The following ASCC3 variants were observed in gnomAD, a reference collection of about 807,000 sequenced individuals.
ASCC3 encodes the protein ASC-1 complex subunit P200.
A neutral mutation model predicts 256.3 loss-of-function variants in ASCC3; 158 were observed. The ratio of observed to expected loss-of-function variants is 0.62; its 90% CI spans 0.54 to 0.70. ASCC3 has a LOEUF of 0.70. Among genes scored for constraint, ASCC3 ranks in the 30% least tolerant of loss-of-function variants. The pLI is 0.00. For missense variants in ASCC3, 2,259 were observed against 2,626.0 expected, an observed-to-expected ratio of 0.86 and a Z score of 3.05; for synonymous variants, 948 against 883.4, an observed-to-expected ratio of 1.07 and a Z score of -1.30.
At chr6:100,634,798 A>G (rs1033475137) in intron 25 of ASCC3, among the ~76,000 whole-genome samples, 10 of 148,822 alleles carry the variant, frequency 6.7e-5, no homozygotes, top group African/African-American at 2.5e-4. Flanking sequence ...AGGCAGGAGG[A>G]TTGCTTGAGC....
At chr6:100,780,030 G>C (rs1782371418) in intron 8 of ASCC3, among the ~76,000 whole-genome samples, 1 of 152,018 alleles carries the variant, frequency 6.6e-6, no homozygotes, top group Non-Finnish European at 1.5e-5. Context: ...ATTCATCACT[G>C]TCCAATGGAA....
At chr6:100,516,810 A>C (rs1020895843) in intron 38 of ASCC3, among the ~76,000 whole-genome samples, 1 of 152,122 alleles carries the variant, frequency 6.6e-6, no homozygotes, top group Non-Finnish European at 1.5e-5. Flanking sequence ...AGGCCACATA[A>C]ATTTTCCAGT....
intron 14 of ASCC3, among the ~76,000 whole-genome samples, chr6:100,668,791 A>G (rs1026710116): frequency 1.3e-5 from 2 of 151,922 alleles, no homozygotes; most frequent in South Asian, 2.1e-4. Flanking sequence ...AATTCAAAAA[A>G]GAAAGAACAT....
intron 14 of ASCC3, among the ~76,000 whole-genome samples, chr6:100,670,157 G>T (rs1776670970): frequency 6.6e-6 from 1 of 151,894 alleles, no homozygotes; most frequent in Non-Finnish European, 1.5e-5. Context: ...TGTAAAAAAT[G>T]CTCAGTTTCA....
intron 23 of ASCC3, among the ~76,000 whole-genome samples, chr6:100,643,462 G>A (rs1775227205): frequency 6.6e-6 from 1 of 152,044 alleles, no homozygotes; most frequent in Non-Finnish European, 1.5e-5. Context: ...CTTAAACCAT[G>A]GTAAAGATTA....
rs781755757 is a variant in ASCC3 at position 100,848,651 on chromosome 6, T to C, written c.298A>G (p.Thr100Ala). The change falls in exon 4 of 42, where the codon ACA (threonine) becomes GCA (alanine). Residue 100 changes from threonine to alanine, a missense_variant. Thr to Ala is a moderately conservative substitution (Grantham distance 58). Around this residue, in one of 2 missense-constraint regions of ASCC3, gnomAD observed 420 missense variants for 419.3 expected, o/e 1.00. Transcript: ENST00000369162. ...CCAACAGAGTCCTTCAAGTGAAATGTCATGAAGAGAAATGCAGCCCCACTT... is the reference window on the plus strand; with the variant it reads ...CCAACAGAGTCCTTCAAGTGAAATGCCATGAAGAGAAATGCAGCCCCACTT... ...IESGAAFLFMTFHLKDSVGHK... is the reference protein window; with the variant it reads ...IESGAAFLFMAFHLKDSVGHK... 3 of 1,614,028 alleles carry C rather than the reference T, an allele frequency of 1.9e-6. No individual in the cohort carries two copies. The highest frequency in any genetic ancestry group is 2.5e-6 in the Non-Finnish European group (3 of 1,180,018).
chr6:100,637,470 A>G (rs1177935520), intron 25 of ASCC3, among the ~76,000 whole-genome samples: 3 of 152,172 alleles, frequency 2.0e-5, no homozygotes, highest in Non-Finnish European at 1.5e-5. Context: ...GCCTGCTAAC[A>G]TAACATCTAT....
At chr6:100,742,936 G>A (rs562697330) in intron 10 of ASCC3, among the ~76,000 whole-genome samples, 1 of 152,316 alleles carries the variant, frequency 6.6e-6, no homozygotes, top group African/African-American at 2.4e-5. Flanking sequence ...CTACCTAGGG[G>A]AATGTCCAGG....
chr6:100,622,351 TG>T (rs1773998942), intron 30 of ASCC3, among the ~76,000 whole-genome samples: 1 of 152,156 alleles, frequency 6.6e-6, no homozygotes, highest in East Asian at 1.9e-4. Flanking sequence ...TCACAAGATC[TG>T]ATCGTTTTAT....
intron 36 of ASCC3, among the ~76,000 whole-genome samples, chr6:100,583,183 C>T (rs1222822144): frequency 6.6e-6 from 1 of 152,168 alleles, no homozygotes; most frequent in African/African-American, 2.4e-5. Flanking sequence ...CCTTGTACCT[C>T]TTGTACAATT....
In ASCC3 at chr6:100,551,017, CCAGA is replaced by C. The variant is rs1266832880; in HGVS notation, c.5551-10634_5551-10631del. ...TAATAAAAATGCCTTATGTAGTTATCCAGACAGTCACCCTCCTAAAATGTTAACC... is the reference window on the plus strand; with the variant it reads ...TAATAAAAATGCCTTATGTAGTTATCCAGTCACCCTCCTAAAATGTTAACC... On this transcript the variant is annotated intron_variant, in intron 36 of 41. Coordinates refer to ENST00000369162, the MANE Select transcript of ASCC3 (RefSeq NM_006828.4). Among the ~76,000 whole-genome samples, 3 of 151,924 alleles carry C rather than the reference CCAGA, an allele frequency of 2.0e-5. No homozygotes were observed. The East Asian group carries it at 5.8e-4, about 29-fold the overall frequency.
chr6:100,509,104 C>T lies in ASCC3; in HGVS notation c.*282G>A. On this transcript the variant is annotated 3_prime_UTR_variant, in exon 42 of 42. Transcript: ENST00000369162. ...AATTTGATTGATAGCTCCTAAATAT[C>T]ATCCCAAATATACACAAATTAAAAG... is the stretch of plus-strand genomic sequence containing the variant. 2.5e-6 allele frequency: 1 copy of T among 404,874 alleles called. No individual in the cohort carries two copies. Among genetic ancestry groups the T allele is most frequent in the South Asian group, 2.3e-5 (1 of 43,976 alleles). The allele number at this position is 404,874 out of a possible 1,614,324, so 25.1% of individuals were successfully genotyped here.
At chr6:100,794,252 C>T (rs1769490853) in intron 8 of ASCC3, among the ~76,000 whole-genome samples, 1 of 151,974 alleles carries the variant, frequency 6.6e-6, no homozygotes, top group Non-Finnish European at 1.5e-5. Flanking sequence ...GAGTGTAAAC[C>T]TCTTAGCATG....
At chr6:100,812,852 C>T (rs1227755050) in intron 4 of ASCC3, among the ~76,000 whole-genome samples, 1 of 151,774 alleles carries the variant, frequency 6.6e-6, no homozygotes, top group African/African-American at 2.4e-5. Context: ...AATCCTTGAA[C>T]CCAGGAGTTC....
chr6:100,790,126 T>C (rs373626776), intron 8 of ASCC3, among the ~76,000 whole-genome samples: 57 of 152,118 alleles, frequency 3.7e-4, no homozygotes, highest in Admixed American at 1.5e-3. Context: ...GGACAGTTTA[T>C]ATAAGCATTT....
intron 13 of ASCC3, among the ~76,000 whole-genome samples, chr6:100,710,335 C>T (rs1426742386): frequency 6.6e-6 from 1 of 152,138 alleles, no homozygotes; most frequent in Non-Finnish European, 1.5e-5. Flanking sequence ...CTAAGTTCTT[C>T]ATGCCCTAGA....
Position 100,605,268 on chromosome 6 carries a change from T to C in ASCC3, c.5177+300A>G, listed in dbSNP as rs144811365. Among the ~76,000 whole-genome samples, 693 of 152,250 alleles carry C rather than the reference T, an allele frequency of 4.6e-3. 6 individuals are homozygous for C. The highest frequency in any genetic ancestry group is 0.016 in the African/African-American group (651 of 41,554). On this transcript the variant is annotated intron_variant, in intron 33 of 41. Transcript: ENST00000369162. ...CAATAGGTGCAATAAGGCAATGAGGTGTTAAGCAACTTGCTCAAGATCAAG... is the reference window on the plus strand; with the variant it reads ...CAATAGGTGCAATAAGGCAATGAGGCGTTAAGCAACTTGCTCAAGATCAAG...
Position 100,630,992 on chromosome 6 carries a change from A to G in ASCC3, c.4208+136T>C, listed in dbSNP as rs75066834. 1,955 of 644,084 alleles carry G rather than the reference A, an allele frequency of 3.0e-3. 7 individuals are homozygous for G. The highest frequency in any genetic ancestry group is 4.5e-3 in the Non-Finnish European group (1,660 of 369,486). The allele number at this position is 644,084 out of a possible 1,614,324, so 39.9% of individuals were successfully genotyped here. ...TTTAAATAAATGACTATGAAAATCA[A>G]TGTAAAACCATTCAGCAGTTAAATA... On this transcript the variant is annotated intron_variant, in intron 26 of 41. Transcript: ENST00000369162.
At chr6:100,671,404 C>G (rs968388295) in intron 14 of ASCC3, among the ~76,000 whole-genome samples, 1 of 151,988 alleles carries the variant, frequency 6.6e-6, no homozygotes, top group Admixed American at 6.6e-5. Context: ...ATTTTGTGAA[C>G]AGACGATTTG....
Sources: allele counts gnomAD v4.1 joint callset (sites outside exome capture counted in the v4.1 genomes callset), GRCh38; gene constraint gnomAD v4.1.1; regional missense constraint gnomAD v4.1.1; transcripts MANE v1.5; gene names NCBI Gene and HGNC (gene_info 2026-07-23, HGNC 2026-07-21).